GIGYF2: variants seen among roughly 807,000 people sequenced by gnomAD.
GIGYF2 encodes GRB10-interacting GYF protein 2.
A neutral mutation model predicts 208.1 loss-of-function variants in GIGYF2; 25 were observed. The observed-to-expected ratio is 0.12, with a 90% CI of 0.09 to 0.17. GIGYF2 has a LOEUF of 0.17. Ranked by LOEUF, GIGYF2 falls within the 10% of genes least tolerant of loss-of-function variation. GIGYF2 has a pLI of 1.00. For synonymous variants in GIGYF2, 534 were observed against 543.8 expected (o/e 0.98, Z 0.25); for missense variants, 1,302 against 1,579.4 (o/e 0.82, Z 2.98).
intron 12 of GIGYF2, 123 bp downstream of exon 12, chr2:232,791,569 AT>A: frequency 2.4e-6 from 2 of 834,694 alleles, no homozygotes. Context: ...ATCGGAATAG[AT>A]TATTTTACCA....
chr2:232,830,815 T>C (rs1701405106), intron 21 of GIGYF2, among the ~76,000 whole-genome samples: 1 of 86,866 alleles, frequency 1.2e-5, no homozygotes, highest in Non-Finnish European at 2.4e-5. Context: ...ACCCTGTCTC[T>C]ACAAAAAAAA....
At chr2:232,729,284 G>C (rs1281748100) in intron 2 of GIGYF2, among the ~76,000 whole-genome samples, 2 of 152,092 alleles carry the variant, frequency 1.3e-5, no homozygotes, top group African/African-American at 4.8e-5. Context: ...CCGGCCTCCA[G>C]AGCTGTTTTC....
intron 2 of GIGYF2, among the ~76,000 whole-genome samples, chr2:232,723,560 G>C (rs1233526202): frequency 2.0e-5 from 3 of 150,820 alleles, no homozygotes; most frequent in Admixed American, 1.3e-4. Flanking sequence ...CTCCCGAGTA[G>C]CTGGGAGTAC....
At chr2:232,823,316 T>A (rs1156254817) in intron 21 of GIGYF2, among the ~76,000 whole-genome samples, 1 of 151,922 alleles carries the variant, frequency 6.6e-6, no homozygotes, top group Non-Finnish European at 1.5e-5. Context: ...TCTGTGTTCA[T>A]GAGGGAGAGA....
chr2:232,784,600 T>TAGGA (rs1553613446), intron 8 of GIGYF2, among the ~76,000 whole-genome samples: 1 of 150,098 alleles, frequency 6.7e-6, no homozygotes, highest in Non-Finnish European at 1.5e-5. Context: ...TCGTGTTAGC[T>TAGGA]TGATCTGACC....
intron 3 of GIGYF2, among the ~76,000 whole-genome samples, chr2:232,738,253 G>C (rs1279931041): frequency 6.6e-6 from 1 of 151,970 alleles, no homozygotes; most frequent in Non-Finnish European, 1.5e-5. Context: ...GAATCATTAG[G>C]TCTTAGATTA....
At chr2:232,771,027 G>A in intron 8 of GIGYF2, 1 of 1,614,010 alleles carries the variant, frequency 6.2e-7, no homozygotes, top group South Asian at 1.1e-5. Context: ...TCTCCAGGGA[G>A]AAGGAGAATG....
intron 14 of GIGYF2, among the ~76,000 whole-genome samples, chr2:232,801,580 A>G (rs1700401863): frequency 6.6e-6 from 1 of 152,246 alleles, no homozygotes; most frequent in South Asian, 2.1e-4. Context: ...ACGCATACAT[A>G]TTATGGATGG....
intron 22 of GIGYF2, among the ~76,000 whole-genome samples, chr2:232,835,322 C>G (rs1451295357): frequency 1.3e-5 from 2 of 152,094 alleles, no homozygotes; most frequent in African/African-American, 2.4e-5. Flanking sequence ...TATCATCTAT[C>G]TCTTTATCAA....
chr2:232,760,247 A>G (rs547363930), intron 6 of GIGYF2: 3 of 467,336 alleles, frequency 6.4e-6, no homozygotes, highest in South Asian at 4.8e-5. Context: ...GACTGGGTCT[A>G]TTGCATTATA....
intron 22 of GIGYF2, 138 bp from the exon 23 acceptor site, chr2:232,839,711 A>G: frequency 1.1e-6 from 1 of 894,166 alleles, no homozygotes; most frequent in Non-Finnish European, 1.8e-6. Flanking sequence ...AAAAGCAATG[A>G]AGAAGGAAAT....
Position 232,850,329 on chromosome 2 carries a change from A to T in GIGYF2, c.3752A>T (p.Gln1251Leu), listed in dbSNP as rs1205896613. The T allele has an allele frequency of 6.2e-7, 1 of 1,613,946 alleles. No individual in the cohort carries two copies. The highest frequency in any genetic ancestry group is 8.5e-7 in the Non-Finnish European group (1 of 1,179,814). The change falls in exon 28 of 29, where the codon CAA (glutamine) becomes CTA (leucine). Residue 1251 changes from glutamine (Q) to leucine (L), a missense_variant. By Grantham distance (113) the Gln-to-Leu change is moderately radical. This residue lies in a region of GIGYF2 where 701 missense variants were observed against 793.0 expected (regional missense o/e 0.88). Transcript: ENST00000373563. Reference protein sequence around the residue: ...SVFQTNQSNNQQSNFEAVQSG... With the variant: ...SVFQTNQSNNLQSNFEAVQSG... Reference sequence around the variant, plus strand: ...TTTCAGACCAATCAAAGCAACAACCAACAATCCAATTTTGAGGCTGTGCAG... The same window carrying T: ...TTTCAGACCAATCAAAGCAACAACCTACAATCCAATTTTGAGGCTGTGCAG...
chr2:232,726,918 TA>T (rs1697227142), intron 2 of GIGYF2, among the ~76,000 whole-genome samples: 1 of 152,050 alleles, frequency 6.6e-6, no homozygotes. Context: ...GCATTGTTCA[TA>T]AAGGCAAAAA....
intron 2 of GIGYF2, among the ~76,000 whole-genome samples, chr2:232,723,346 A>G (rs887369611): frequency 6.6e-6 from 1 of 151,732 alleles, no homozygotes; most frequent in Non-Finnish European, 1.5e-5. Context: ...GTAACTTTCC[A>G]TTGGGAATAT....
At chr2:232,833,759 G>C (rs867493004) in intron 22 of GIGYF2, among the ~76,000 whole-genome samples, 1 of 152,130 alleles carries the variant, frequency 6.6e-6, no homozygotes, top group Non-Finnish European at 1.5e-5. Context: ...GCATGTAAAC[G>C]TTCAGATGTG....
Position 232,791,409 on chromosome 2 carries a change from A to T in GIGYF2, c.1245A>T (p.Glu415Asp). ...TEKAEEETRM[E>D]NSLPAKVPSR... ...AAGCTGAAGAGGAGACTCGGATGGA[A>T]AATAGTCTACCAGCCAAAGTGCCCA... The change falls in exon 12 of 29, where the codon GAA becomes GAT. Residue 415 changes from glutamate (E) to aspartate (D), a missense_variant. Physicochemically the swap from Glu to Asp is conservative, Grantham distance 45 (BLOSUM62 2). Coordinates refer to ENST00000373563, the MANE Select transcript of GIGYF2 (RefSeq NM_001103146.3). The T allele has an allele frequency of 6.2e-7, 1 of 1,614,056 alleles. No homozygotes were observed. Among genetic ancestry groups the T allele is most frequent in the Non-Finnish European group, 8.5e-7 (1 of 1,179,980 alleles).
chr2:232,713,171 G>A (rs909359792), intron 2 of GIGYF2, among the ~76,000 whole-genome samples: 6 of 151,962 alleles, frequency 3.9e-5, no homozygotes, highest in Non-Finnish European at 7.4e-5. Flanking sequence ...CGCCTCTTGG[G>A]TTCAAGCTAT....
chr2:232,768,373 A>T (rs773108284), intron 8 of GIGYF2: 5 of 1,614,146 alleles, frequency 3.1e-6, no homozygotes, highest in Non-Finnish European at 2.5e-6. Flanking sequence ...GTCAACAGAG[A>T]TGCAAAACAG....
At position 232,787,145 on chromosome 2, in the gene GIGYF2, T is replaced by C. The variant is rs775426547; in HGVS notation, c.533-5T>C. 1.9e-6 allele frequency: 3 copies of C among 1,609,616 alleles called. No individual in the cohort carries two copies. Among genetic ancestry groups the C allele is most frequent in the Non-Finnish European group, 2.6e-6 (3 of 1,175,982 alleles). ...TGTTTACTTACCATATTATTTTCTT[T>C]ATAGGGAGACCAAATTTTGAGGAAG... On this transcript the variant is annotated splice_region_variant and splice_polypyrimidine_tract_variant and intron_variant, in intron 8 of 28. Transcript: ENST00000373563.
Sources: allele counts gnomAD v4.1 joint callset (sites outside exome capture counted in the v4.1 genomes callset), GRCh38; gene constraint gnomAD v4.1.1; regional missense constraint gnomAD v4.1.1; transcripts MANE v1.5; gene names NCBI Gene and HGNC (gene_info 2026-07-23, HGNC 2026-07-21).